DYNC1I1: variants seen among roughly 807,000 people sequenced by gnomAD.
The protein encoded by DYNC1I1 is dynein cytoplasmic 1 intermediate chain 1.
In DYNC1I1, 43 loss-of-function variants were observed where a neutral mutation model predicts 86.6. The observed-to-expected ratio is 0.50, with a 90% CI of 0.39 to 0.64. DYNC1I1 has a LOEUF of 0.64. Ranked by LOEUF, DYNC1I1 falls within the 30% of genes least tolerant of loss-of-function variation. The pLI is 0.00. For missense variants in DYNC1I1, 604 were observed against 788.8 expected, an observed-to-expected ratio of 0.77 and a Z score of 2.81; for synonymous variants, 262 against 283.7, an observed-to-expected ratio of 0.92 and a Z score of 0.77.
intron 16 of DYNC1I1, among the ~76,000 whole-genome samples, chr7:96,108,288 A>G (rs1014917540): frequency 1.3e-5 from 2 of 152,062 alleles, no homozygotes; most frequent in East Asian, 3.9e-4. Context: ...GTCATAATGG[A>G]TTGATTATCC....
intron 1 of DYNC1I1, among the ~76,000 whole-genome samples, chr7:95,792,410 G>T (rs1166862584): frequency 6.6e-6 from 1 of 152,150 alleles, no homozygotes; most frequent in Non-Finnish European, 1.5e-5. Context: ...GCAAGTCAAA[G>T]GACCCTCATG....
chr7:96,046,397 T>C (rs560559248), intron 14 of DYNC1I1, among the ~76,000 whole-genome samples: 2 of 152,346 alleles, frequency 1.3e-5, no homozygotes, highest in African/African-American at 2.4e-5. Flanking sequence ...TACTATGTAC[T>C]AGGCATTGTG....
At chr7:96,029,017 G>A (rs1192987588) in intron 11 of DYNC1I1, among the ~76,000 whole-genome samples, 1 of 152,154 alleles carries the variant, frequency 6.6e-6, no homozygotes, top group Non-Finnish European at 1.5e-5. Context: ...GGTAACTGAT[G>A]TTCTTTCTCT....
At chr7:96,024,182 T>C (rs1344215025) in intron 10 of DYNC1I1, among the ~76,000 whole-genome samples, 1 of 152,174 alleles carries the variant, frequency 6.6e-6, no homozygotes, top group African/African-American at 2.4e-5. Flanking sequence ...AAAAATTACT[T>C]TGATTAGTTA....
chr7:96,057,353 A>T (rs1174210807), intron 14 of DYNC1I1, among the ~76,000 whole-genome samples: 2 of 152,202 alleles, frequency 1.3e-5, no homozygotes, highest in African/African-American at 4.8e-5. Context: ...AGTTAAAGAA[A>T]AAAAATGTCT....
intron 1 of DYNC1I1, among the ~76,000 whole-genome samples, chr7:95,799,243 G>T (rs1349873570): frequency 1.3e-5 from 2 of 152,130 alleles, no homozygotes; most frequent in Non-Finnish European, 2.9e-5. Flanking sequence ...GCCGGGCCCA[G>T]TAGCACCCAC....
intron 5 of DYNC1I1, among the ~76,000 whole-genome samples, chr7:95,867,102 T>G (rs1470170578): frequency 6.6e-6 from 1 of 152,232 alleles, no homozygotes; most frequent in East Asian, 1.9e-4. Context: ...ATCCTATCCA[T>G]GTGCCCATAT....
chr7:95,825,628 C>G (rs1440276246), intron 4 of DYNC1I1, among the ~76,000 whole-genome samples: 1 of 152,202 alleles, frequency 6.6e-6, no homozygotes, highest in Non-Finnish European at 1.5e-5. Flanking sequence ...GTTCTCACCC[C>G]TGGCTGCACA....
At chr7:95,914,927 G>T (rs893406955) in intron 6 of DYNC1I1, among the ~76,000 whole-genome samples, 31 of 152,048 alleles carry the variant, frequency 2.0e-4, no homozygotes, top group Non-Finnish European at 1.2e-4. Flanking sequence ...TCTCTTAAAT[G>T]GAATCACTTG....
At chr7:95,941,758 G>A (rs1792229462) in intron 6 of DYNC1I1, among the ~76,000 whole-genome samples, 1 of 152,186 alleles carries the variant, frequency 6.6e-6, no homozygotes, top group African/African-American at 2.4e-5. Flanking sequence ...CGCTTCCCAA[G>A]TGAGGCAATG....
intron 11 of DYNC1I1, among the ~76,000 whole-genome samples, chr7:96,032,151 G>A (rs1006711306): frequency 2.0e-5 from 3 of 152,110 alleles, no homozygotes; most frequent in African/African-American, 4.8e-5. Context: ...CTCTCCCCCA[G>A]ATTAAAATGG....
chr7:95,925,758 C>T (rs1469631657), intron 6 of DYNC1I1, among the ~76,000 whole-genome samples: 1 of 152,156 alleles, frequency 6.6e-6, no homozygotes, highest in Non-Finnish European at 1.5e-5. Flanking sequence ...AAACTTGGAT[C>T]AAACCTTCCT....
Position 95,995,949 on chromosome 7 carries a change from A to T in DYNC1I1, c.845A>T (p.Tyr282Phe). 6.3e-7 allele frequency: 1 copy of T among 1,599,500 alleles called. No individual in the cohort carries two copies. Among genetic ancestry groups the T allele is most frequent in the Non-Finnish European group, 8.5e-7 (1 of 1,174,782 alleles). Residue 282 changes from tyrosine (Y) to phenylalanine (F), a missense_variant and splice_region_variant, in exon 10 of 17, where the codon TAC (tyrosine) becomes TTC (phenylalanine). By Grantham distance (22) the Tyr-to-Phe change is conservative. Transcript: ENST00000447467. ...ATCCTTGTGACCTCTTCCATTTAGT[A>T]CCCTGAGCTGATGGTGGCTTCTTAC... ...VVTCMDWSLQ[Y>F]PELMVASYNN...
intron 6 of DYNC1I1, among the ~76,000 whole-genome samples, chr7:95,939,517 C>T (rs1430518012): frequency 1.3e-5 from 2 of 151,756 alleles, no homozygotes; most frequent in Non-Finnish European, 2.9e-5. Context: ...ATAATTAGCT[C>T]TTCTTGTTGA....
intron 10 of DYNC1I1, among the ~76,000 whole-genome samples, chr7:96,012,304 C>T (rs1794294917): frequency 6.6e-6 from 1 of 152,148 alleles, no homozygotes; most frequent in Non-Finnish European, 1.5e-5. Context: ...GCTAGTAGGT[C>T]TACAGTATGC....
rs546631308 is a variant in DYNC1I1 at position 95,893,397 on chromosome 7, A to G, written c.490+23399A>G. 3.1e-4 allele frequency among the ~76,000 whole-genome samples: 47 copies of G among 152,354 alleles called. 1 individual carries two copies. The highest frequency in any genetic ancestry group is 6.8e-3 in the Middle Eastern group (2 of 294). On this transcript the variant is annotated intron_variant, in intron 6 of 16. Coordinates refer to ENST00000447467, the MANE Select transcript of DYNC1I1 (RefSeq NM_001135556.2). ...GGACAGGAAAGCATGTGATATTTAT[A>G]TAGCAGAAATGATACTATATTAAAG...
At chr7:95,792,176 A>G (rs141350853) in intron 1 of DYNC1I1, among the ~76,000 whole-genome samples, 53 of 152,336 alleles carry the variant, frequency 3.5e-4, no homozygotes, top group Admixed American at 7.8e-4. Flanking sequence ...GAAGAATCAC[A>G]TTAACAGAGT....
intron 6 of DYNC1I1, among the ~76,000 whole-genome samples, chr7:95,973,408 A>G (rs1317844322): frequency 1.3e-5 from 2 of 152,164 alleles, no homozygotes; most frequent in East Asian, 1.9e-4. Flanking sequence ...AAAAATTAAT[A>G]CCTACAACTG....
intron 14 of DYNC1I1, among the ~76,000 whole-genome samples, chr7:96,058,437 A>G (rs1271831361): frequency 6.6e-6 from 1 of 152,198 alleles, no homozygotes; most frequent in African/African-American, 2.4e-5. Context: ...AGTTTCATGT[A>G]ACTTAAATAC....
Sources: allele counts gnomAD v4.1 joint callset (sites outside exome capture counted in the v4.1 genomes callset), GRCh38; gene constraint gnomAD v4.1.1; transcripts MANE v1.5; gene names NCBI Gene and HGNC (gene_info 2026-07-23, HGNC 2026-07-21).